Variants in ARHGEF6 observed in about 807,000 individuals in gnomAD.
The protein encoded by ARHGEF6 is rho guanine nucleotide exchange factor 6.
ARHGEF6 carries 9 observed loss-of-function variants against 70.3 expected under a neutral mutation model. The ratio of observed to expected loss-of-function variants is 0.13; its 90% CI spans 0.08 to 0.22. The LOEUF (loss-of-function observed/expected upper bound fraction) is 0.22. Among genes scored for constraint, ARHGEF6 ranks in the 10% least tolerant of loss-of-function variants. ARHGEF6 has a pLI of 1.00. For synonymous variants in ARHGEF6, 201 were observed against 207.8 expected, an observed-to-expected ratio of 0.97 and a Z score of 0.28; for missense variants, 470 against 563.0, an observed-to-expected ratio of 0.83 and a Z score of 1.67.
chrX:136,674,138 T>C (rs999422136), intron 19 of ARHGEF6, among the ~76,000 whole-genome samples: 2 of 112,446 alleles, frequency 1.8e-5, no homozygotes, highest in African/African-American at 6.5e-5. Flanking sequence ...AAGTGCTGGA[T>C]TACAGGCGTG....
At chrX:136,694,607 C>T (rs2076492657) in intron 9 of ARHGEF6, among the ~76,000 whole-genome samples, 1 of 111,592 alleles carries the variant, frequency 9.0e-6, no homozygotes, top group Non-Finnish European at 1.9e-5. Flanking sequence ...TGTCTTAGCA[C>T]CAACTCCTCT....
intron 2 of ARHGEF6, among the ~76,000 whole-genome samples, chrX:136,750,622 C>A (rs947860074): frequency 2.7e-4 from 30 of 111,783 alleles, no homozygotes; most frequent in African/African-American, 9.8e-4. Context: ...TCTTAGACTA[C>A]GGCTAGATGG....
chrX:136,757,586 A>G (rs1025955274), intron 2 of ARHGEF6, among the ~76,000 whole-genome samples: 10 of 110,679 alleles, frequency 9.0e-5, no homozygotes, highest in African/African-American at 3.3e-4. Flanking sequence ...AATGCTAGCT[A>G]TCCTTCAGGG....
Position 136,743,568 on chromosome X carries a change from T to C in ARHGEF6, c.661+17A>G. The C allele has an allele frequency of 1.7e-6, 2 of 1,204,883 alleles. No individual in the cohort carries two copies. The highest frequency in any genetic ancestry group is 1.1e-6 in the Non-Finnish European group (1 of 889,241). ...ACAAGAGTCACAATCAAAAAGCCTT[T>C]TAAAAACTTCACTTACCACTGGATT... On this transcript the variant is annotated intron_variant, in intron 5 of 21. Transcript: ENST00000250617.
intron 2 of ARHGEF6, among the ~76,000 whole-genome samples, chrX:136,760,463 A>G (rs2077254712): frequency 1.8e-5 from 2 of 112,550 alleles, no homozygotes; most frequent in Non-Finnish European, 3.8e-5. Flanking sequence ...TGTTGTCCCC[A>G]GAAACAGCCT....
chrX:136,737,467 CAA>C (rs375013587), intron 5 of ARHGEF6: 4,455 of 516,060 alleles, frequency 8.6e-3, no homozygotes, highest in South Asian at 0.01. Flanking sequence ...AACTCCATCT[CAA>C]AAAAAAAAAA....
chrX:136,723,320 G>A lies in ARHGEF6; in HGVS notation c.732+8782C>T, dbSNP rs149907945. On this transcript the variant is annotated intron_variant, in intron 6 of 21. Coordinates refer to ENST00000250617, the MANE Select transcript of ARHGEF6 (RefSeq NM_004840.3). ...TTTATGCTATGTGAATTGTACCTCA[G>A]TAAAGCTATTATTTAAAAACAAAGC... is the stretch of plus-strand genomic sequence containing the variant. Among the ~76,000 whole-genome samples, 473 of 112,123 alleles carry A rather than the reference G, an allele frequency of 4.2e-3. 5 individuals are homozygous for A. Among genetic ancestry groups the A allele is most frequent in the African/African-American group, 0.015 (458 of 30,868 alleles).
intron 2 of ARHGEF6, among the ~76,000 whole-genome samples, chrX:136,748,049 T>C (rs1338380511): frequency 8.9e-6 from 1 of 112,106 alleles, no homozygotes; most frequent in Non-Finnish European, 1.9e-5. Context: ...TAGCTGTGCC[T>C]AGTTGAGTCA....
intron 18 of ARHGEF6, among the ~76,000 whole-genome samples, chrX:136,676,421 G>A (rs1247697856): frequency 8.9e-6 from 1 of 112,490 alleles, no homozygotes; most frequent in African/African-American, 3.2e-5. Flanking sequence ...ATCTGCCTAA[G>A]ATGACATGAA....
chrX:136,706,896 T>A lies in ARHGEF6; in HGVS notation c.1046+12A>T. The A allele has an allele frequency of 8.3e-7, 1 of 1,211,437 alleles. No individual in the cohort carries two copies. ...TCTCATTGCAAAAGTTGGGGAAATG[T>A]TAACTATTTACCTGTGCTGAGTGAG... On this transcript the variant is annotated intron_variant, in intron 9 of 21. Transcript: ENST00000250617.
At position 136,690,279 on chromosome X, in the gene ARHGEF6, T is replaced by C. The variant is rs766052627; in HGVS notation, c.1185+331A>G. 6.3e-5 allele frequency among the ~76,000 whole-genome samples: 7 copies of C among 111,878 alleles called. No individual in the cohort carries two copies. In the East Asian group the frequency reaches 1.9e-3, roughly 31 times the overall value. On this transcript the variant is annotated intron_variant, in intron 10 of 21. Transcript: ENST00000250617. The stretch of plus-strand genomic sequence containing the variant: ...ACCAGAAACAAAGAAGATTTCTTAG[T>C]TGGATTTTGACCAAACTACTGAGAG...
At chrX:136,698,489 G>A (rs1353706634) in intron 9 of ARHGEF6, among the ~76,000 whole-genome samples, 1 of 111,826 alleles carries the variant, frequency 8.9e-6, no homozygotes, top group Admixed American at 9.5e-5. Flanking sequence ...TGAAAGTCAA[G>A]GAGAAAACTG....
chrX:136,685,754 A>G lies in ARHGEF6; in HGVS notation c.1315T>C (p.Trp439Arg). ...LQILSEPIQA[W>R]EGEDIKNLGN... ...AAGTTTTTAATATCTTCTCCTTCCC[A>G]TGCCTGAATAGGTTCGGACAGTATC... The change falls in exon 12 of 22, where the codon TGG becomes CGG. Residue 439 changes from tryptophan to arginine, a missense_variant. Physicochemically the swap from Trp to Arg is moderately radical, Grantham distance 101 (BLOSUM62 -3). Around this residue, in one of 3 missense-constraint regions of ARHGEF6, gnomAD observed 379 missense variants for 449.3 expected, o/e 0.84. Transcript: ENST00000250617. The G allele has an allele frequency of 1.7e-6, 2 of 1,210,974 alleles. No individual in the cohort carries two copies. The highest frequency in any genetic ancestry group is 2.2e-6 in the Non-Finnish European group (2 of 894,752).
At chrX:136,764,028 G>A (rs751039034) in intron 2 of ARHGEF6, among the ~76,000 whole-genome samples, 1 of 111,448 alleles carries the variant, frequency 9.0e-6, no homozygotes, top group African/African-American at 3.3e-5. Context: ...ATTCCAGGCT[G>A]AGAAGAAAGT....
At chrX:136,670,222 T>C (rs1276787494) in intron 20 of ARHGEF6, among the ~76,000 whole-genome samples, 1 of 112,349 alleles carries the variant, frequency 8.9e-6, no homozygotes, top group Non-Finnish European at 1.9e-5. Flanking sequence ...ATGTAAATGC[T>C]ATGCAAATAT....
chrX:136,675,226 C>G (rs747717877), intron 18 of ARHGEF6, 130 bp from the exon 19 acceptor site: 84 of 543,757 alleles, frequency 1.5e-4, no homozygotes, highest in African/African-American at 1.5e-3. Context: ...GGAGAAAGAG[C>G]TGTCCAACGC....
chrX:136,780,188 G>A (rs973099347), intron 1 of ARHGEF6, among the ~76,000 whole-genome samples: 6 of 111,724 alleles, frequency 5.4e-5, no homozygotes, highest in Non-Finnish European at 9.4e-5. Flanking sequence ...CATTGCATTC[G>A]AAACATATAT....
intron 11 of ARHGEF6, among the ~76,000 whole-genome samples, chrX:136,687,136 A>G (rs2076411620): frequency 8.9e-6 from 1 of 111,929 alleles, no homozygotes; most frequent in East Asian, 2.8e-4. Context: ...TGCGCCATGT[A>G]AAACTGCCAA....
intron 16 of ARHGEF6, among the ~76,000 whole-genome samples, chrX:136,678,700 C>A (rs938215112): frequency 9.0e-6 from 1 of 111,655 alleles, no homozygotes; most frequent in Non-Finnish European, 1.9e-5. Context: ...TCAAAACACA[C>A]GTTTGATATA....
Sources: allele counts gnomAD v4.1 joint callset (sites outside exome capture counted in the v4.1 genomes callset), GRCh38; gene constraint gnomAD v4.1.1; regional missense constraint gnomAD v4.1.1; transcripts MANE v1.5; gene names NCBI Gene and HGNC (gene_info 2026-07-23, HGNC 2026-07-21).